CAPN7: variants seen among roughly 807,000 people sequenced by gnomAD.
CAPN7 encodes the protein calpain-7.
CAPN7 carries 72 observed loss-of-function variants against 115.2 expected under a neutral mutation model. The ratio of observed to expected loss-of-function variants is 0.63; its 90% confidence interval spans 0.52 to 0.76. CAPN7 has a LOEUF of 0.76. Among genes scored for constraint, CAPN7 ranks in the 30% least tolerant of loss-of-function variants. The pLI is 0.00. For synonymous variants in CAPN7, 344 were observed against 322.3 expected (o/e 1.07, Z -0.72); for missense variants, 905 against 971.5 (o/e 0.93, Z 0.91).
intron 6 of CAPN7, among the ~76,000 whole-genome samples, chr3:15,227,232 G>A (rs911165325): frequency 6.6e-6 from 1 of 152,134 alleles, no homozygotes; most frequent in African/African-American, 2.4e-5. Flanking sequence ...TAAGAATGGT[G>A]GATTTGGCAC....
At chr3:15,216,859 G>T (rs927692037) in intron 2 of CAPN7, among the ~76,000 whole-genome samples, 1 of 152,084 alleles carries the variant, frequency 6.6e-6, no homozygotes, top group Non-Finnish European at 1.5e-5. Flanking sequence ...AATAAGTAGT[G>T]TATTTTTTAC....
At chr3:15,249,322 A>T (rs542183886) in intron 19 of CAPN7, among the ~76,000 whole-genome samples, 1 of 151,890 alleles carries the variant, frequency 6.6e-6, no homozygotes, top group African/African-American at 2.4e-5. Flanking sequence ...TAGAGTTGTC[A>T]TTTTTTTTAA....
At chr3:15,222,664 C>G (rs1305850699) in intron 5 of CAPN7, among the ~76,000 whole-genome samples, 2 of 152,208 alleles carry the variant, frequency 1.3e-5, no homozygotes, top group African/African-American at 4.8e-5. Flanking sequence ...CAACACTTTT[C>G]CATATGCTAC....
intron 8 of CAPN7, among the ~76,000 whole-genome samples, chr3:15,230,014 T>C (rs1694591236): frequency 6.6e-6 from 1 of 152,216 alleles, no homozygotes; most frequent in East Asian, 1.9e-4. Context: ...AAATTGATAC[T>C]GATAGTTGTT....
chr3:15,223,533 G>C lies in CAPN7; in HGVS notation c.697G>C (p.Glu233Gln). 3 of 1,606,148 alleles carry C rather than the reference G, an allele frequency of 1.9e-6. No individual in the cohort carries two copies. The highest frequency in any genetic ancestry group is 2.3e-5 in the East Asian group (1 of 44,316). Reference protein sequence around the residue: ...YVPFMNVDLRERFAYPMPFCD... With the variant: ...YVPFMNVDLRQRFAYPMPFCD... ...TCCTTTCATGAATGTTGACCTGAGA[G>C]AACGTTTTGCCTATCCAATGCCTTT... The change falls in exon 6 of 21, where the codon GAA (glutamate) becomes CAA (glutamine). Residue 233 changes from glutamate to glutamine, a missense_variant. Coordinates refer to ENST00000253693, the MANE Select transcript of CAPN7 (RefSeq NM_014296.3).
intron 8 of CAPN7, among the ~76,000 whole-genome samples, chr3:15,229,334 T>C (rs1694526465): frequency 6.6e-6 from 1 of 152,170 alleles, no homozygotes; most frequent in Non-Finnish European, 1.5e-5. Flanking sequence ...TACTTTATGA[T>C]TGGACTGTTA....
chr3:15,214,643 A>C (rs2045140350), intron 2 of CAPN7, among the ~76,000 whole-genome samples: 1 of 152,138 alleles, frequency 6.6e-6, no homozygotes, highest in African/African-American at 2.4e-5. Context: ...GCTTGAGCCC[A>C]GGAGGTTGAG....
At chr3:15,236,158 C>T (rs1694982496) in intron 12 of CAPN7, among the ~76,000 whole-genome samples, 1 of 152,088 alleles carries the variant, frequency 6.6e-6, no homozygotes, top group Non-Finnish European at 1.5e-5. Flanking sequence ...GTGATAGAGA[C>T]CCTGTCTGAA....
Position 15,245,550 on chromosome 3 carries a change from G to C in CAPN7, c.1889G>C (p.Gly630Ala). ...GCTGACCCACCTCCATACATTGATG[G>C]AATTCGAATTAACAGCCCTCATTAT... is the stretch of plus-strand genomic sequence containing the variant. ...YPADPPPYIDGIRINSPHYLT... is the reference protein window; with the variant it reads ...YPADPPPYIDAIRINSPHYLT... The change falls in exon 17 of 21, where the codon GGA (glycine) becomes GCA (alanine). Residue 630 changes from glycine (G) to alanine (A), a missense_variant. Physicochemically the swap from Gly to Ala is moderately conservative, Grantham distance 60. This residue lies in a region of CAPN7 where 620 missense variants were observed against 703.4 expected (regional missense o/e 0.88). Coordinates refer to ENST00000253693, the MANE Select transcript of CAPN7 (RefSeq NM_014296.3). 2.5e-6 allele frequency: 4 copies of C among 1,613,508 alleles called. No homozygotes were observed. The highest frequency in any genetic ancestry group is 1.7e-6 in the Non-Finnish European group (2 of 1,179,732).
At chr3:15,211,731 C>G (rs1349871194) in intron 1 of CAPN7, among the ~76,000 whole-genome samples, 1 of 152,040 alleles carries the variant, frequency 6.6e-6, no homozygotes, top group Non-Finnish European at 1.5e-5. Flanking sequence ...CCAATCTCTA[C>G]TAAAAATACA....
At position 15,231,999 on chromosome 3, in the gene CAPN7, A is replaced by T. The variant is rs566746018; in HGVS notation, c.1033-520A>T. On this transcript the variant is annotated intron_variant, in intron 9 of 20. Transcript: ENST00000253693. Reference sequence around the variant, plus strand: ...TTAAAAGTGAGGCCCTTTTGTAATTATTTTAAATGTACATTTCTAGAATAA... The same window carrying T: ...TTAAAAGTGAGGCCCTTTTGTAATTTTTTTAAATGTACATTTCTAGAATAA... The T allele has an allele frequency of 8.9e-5, 18 of 201,728 alleles. No homozygotes were observed. In the South Asian group the frequency reaches 1.2e-3, roughly 13 times the overall value. 12.5% of individuals were successfully genotyped at this position (201,728 alleles called of 1,614,324 possible). A position where few individuals can be genotyped will look rare whatever the true frequency, so the allele number is the denominator to read the frequency against.
intron 18 of CAPN7, 39 bp downstream of exon 18, chr3:15,246,833 T>C: frequency 2.1e-6 from 3 of 1,401,892 alleles, no homozygotes; most frequent in Non-Finnish European, 2.0e-6. Context: ...AGCATTCTTT[T>C]AGAATTTTTA....
At chr3:15,210,373 T>C (rs1442854820) in intron 1 of CAPN7, among the ~76,000 whole-genome samples, 1 of 152,170 alleles carries the variant, frequency 6.6e-6, no homozygotes. Flanking sequence ...ATAATTTACA[T>C]GTATCAAAAA....
In CAPN7 at chr3:15,217,476, A is replaced by G; in HGVS notation, c.263A>G (p.Glu88Gly). The G allele has an allele frequency of 2.5e-6, 4 of 1,613,912 alleles. No homozygotes were observed. The highest frequency in any genetic ancestry group is 3.4e-6 in the Non-Finnish European group (4 of 1,179,914). Reference protein sequence around the residue: ...PLKSKHQLDLERAHFLVTQAF... With the variant: ...PLKSKHQLDLGRAHFLVTQAF... ...AAGTCAAAACATCAGTTGGACTTAGAGCGTGCTCATTTCCTTGTTACACAA... is the reference window on the plus strand; with the variant it reads ...AAGTCAAAACATCAGTTGGACTTAGGGCGTGCTCATTTCCTTGTTACACAA... Residue 88 changes from glutamate (E) to glycine (G), a missense_variant, in exon 3 of 21, where the codon GAG becomes GGG. By Grantham distance (98) the Glu-to-Gly change is moderately conservative. Transcript: ENST00000253693.
Position 15,227,866 on chromosome 3 carries a change from A to G in CAPN7, c.753A>G (p.Ser251=). The G allele has an allele frequency of 6.4e-7, 1 of 1,556,352 alleles. No homozygotes were observed. Among genetic ancestry groups the G allele is most frequent in the Non-Finnish European group, 8.7e-7 (1 of 1,149,120 alleles). Residue 251 remains serine, a synonymous_variant, in exon 7 of 21, where the codon TCA becomes TCG. Transcript: ENST00000253693. ...ATAGATGGGGCAAGCTACCATTATC[A>G]CCTAAACAAAAAACTACATTTTCCA... ...FCDRWGKLPL[S]PKQKTTFSKW...
intron 9 of CAPN7, among the ~76,000 whole-genome samples, chr3:15,230,917 C>T (rs769985457): frequency 6.6e-6 from 1 of 152,212 alleles, no homozygotes; most frequent in African/African-American, 2.4e-5. Context: ...GTGTAAGAAG[C>T]CTTTGAAATT....
In CAPN7 at chr3:15,240,858, CTT is replaced by C. The variant is rs781567935; in HGVS notation, c.1652+9_1652+10del. The C allele has an allele frequency of 5.3e-5, 82 of 1,542,640 alleles. No individual in the cohort carries two copies. In the African/African-American group the frequency reaches 1.0e-3, roughly 19 times the overall value. ...AGAATCAACATGTATTCACAGGTAA[CTT>C]TTTGCACATTGCAGAGTATGCTTTA... On this transcript the variant is annotated splice_donor_region_variant and intron_variant, in intron 14 of 20. Coordinates refer to ENST00000253693, the MANE Select transcript of CAPN7 (RefSeq NM_014296.3).
intron 12 of CAPN7, among the ~76,000 whole-genome samples, chr3:15,236,941 T>C (rs965592064): frequency 6.6e-6 from 1 of 152,200 alleles, no homozygotes; most frequent in African/African-American, 2.4e-5. Flanking sequence ...ACTGTAGACT[T>C]TATGAATGCT....
At chr3:15,245,777 G>T in intron 17 of CAPN7, 106 bp downstream of exon 17, 1 of 835,554 alleles carries the variant, frequency 1.2e-6, no homozygotes, top group Middle Eastern at 2.4e-4. Flanking sequence ...TTCTGAAAAT[G>T]TATTGCTCTC....
Sources: allele counts gnomAD v4.1 joint callset (sites outside exome capture counted in the v4.1 genomes callset), GRCh38; gene constraint gnomAD v4.1.1; regional missense constraint gnomAD v4.1.1; transcripts MANE v1.5; gene names NCBI Gene and HGNC (gene_info 2026-07-23, HGNC 2026-07-21).